Variants in MKRN1 observed in about 807,000 individuals in gnomAD.
The protein encoded by MKRN1 is E3 ubiquitin-protein ligase makorin-1.
MKRN1 carries 9 observed loss-of-function variants against 55.5 expected under a neutral mutation model. The observed-to-expected ratio is 0.16, with a 90% CI of 0.10 to 0.28. MKRN1 has a LOEUF of 0.28. Among genes scored for constraint, MKRN1 ranks in the 10% least tolerant of loss-of-function variants. The pLI, the probability that MKRN1 is intolerant of heterozygous loss-of-function variation, is 1.00. For missense variants in MKRN1, 488 were observed against 626.7 expected (o/e 0.78, Z 2.36); for synonymous variants, 253 against 235.9 (o/e 1.07, Z -0.66).
At chr7:140,461,489 C>T (rs756365193) in intron 2 of MKRN1, among the ~76,000 whole-genome samples, 9 of 152,030 alleles carry the variant, frequency 5.9e-5, no homozygotes, top group Non-Finnish European at 8.8e-5. Flanking sequence ...AAAAATTATC[C>T]GGGCATGGTG....
chr7:140,478,691 G>A (rs1185137084), intron 1 of MKRN1: 1 of 152,978 alleles, frequency 6.5e-6, no homozygotes, highest in African/African-American at 2.4e-5. Flanking sequence ...CCGGGAGCCA[G>A]GCAAGCTCGC....
At chr7:140,465,765 TAA>T (rs1387246612) in intron 2 of MKRN1, among the ~76,000 whole-genome samples, 1 of 152,058 alleles carries the variant, frequency 6.6e-6, no homozygotes, top group African/African-American at 2.4e-5. Context: ...GCAAGTTACA[TAA>T]AGAGATCCCA....
At chr7:140,472,856 A>C (rs1794974792) in intron 1 of MKRN1, among the ~76,000 whole-genome samples, 2 of 151,758 alleles carry the variant, frequency 1.3e-5, no homozygotes, top group South Asian at 4.2e-4. Flanking sequence ...GGTGGCCCAC[A>C]CCTGTAATCC....
intron 5 of MKRN1, 72 bp downstream of exon 5, chr7:140,456,580 G>C (rs1277384495): frequency 5.0e-5 from 79 of 1,572,786 alleles, no homozygotes; most frequent in Non-Finnish European, 6.7e-5. Context: ...CCATCTGGTT[G>C]AAAGTTGGCA....
At chr7:140,466,494 GTCTC>G (rs1414216350) in intron 2 of MKRN1, among the ~76,000 whole-genome samples, 1 of 152,086 alleles carries the variant, frequency 6.6e-6, no homozygotes, top group Non-Finnish European at 1.5e-5. Flanking sequence ...GGGAGACCCC[GTCTC>G]TACAAACAGA....
At chr7:140,470,547 T>C (rs1794895300) in intron 2 of MKRN1, among the ~76,000 whole-genome samples, 1 of 151,978 alleles carries the variant, frequency 6.6e-6, no homozygotes, top group Non-Finnish European at 1.5e-5. Flanking sequence ...ATTGCGCCAC[T>C]GCACTCCAGC....
chr7:140,458,181 A>AT (rs1422803825), intron 4 of MKRN1, among the ~76,000 whole-genome samples: 1 of 152,208 alleles, frequency 6.6e-6, no homozygotes, highest in Admixed American at 6.5e-5. Context: ...AACGGAAAAC[A>AT]TATCTTCACA....
chr7:140,476,702 G>A (rs1464300189), intron 1 of MKRN1, among the ~76,000 whole-genome samples: 2 of 151,164 alleles, frequency 1.3e-5, no homozygotes, highest in Non-Finnish European at 2.9e-5. Context: ...TACTGGAACT[G>A]AGGAAAGAAA....
At chr7:140,477,158 T>TA (rs1795147754) in intron 1 of MKRN1, among the ~76,000 whole-genome samples, 1 of 150,704 alleles carries the variant, frequency 6.6e-6, no homozygotes, top group African/African-American at 2.4e-5. Flanking sequence ...AAAATAGTTT[T>TA]AAGTAAGAGA....
intron 1 of MKRN1, 163 bp downstream of exon 1, chr7:140,478,997 G>T: frequency 2.3e-6 from 2 of 864,230 alleles, no homozygotes; most frequent in Non-Finnish European, 3.0e-6. Flanking sequence ...CTGGGGGAAC[G>T]CGGCGGCAGC....
intron 1 of MKRN1, chr7:140,478,044 G>T (rs1416991768): frequency 5.9e-5 from 9 of 152,156 alleles, no homozygotes; most frequent in Admixed American, 5.9e-4. Flanking sequence ...TTCGAAGGTC[G>T]CCAGGATAAA....
rs143237010 is a variant in MKRN1, at chr7:140,459,843, C to T, written c.408G>A (p.Ser136=). 213 of 1,613,800 alleles carry T rather than the reference C, an allele frequency of 1.3e-4. No individual in the cohort carries two copies. Among genetic ancestry groups the T allele is most frequent in the Non-Finnish European group, 1.6e-4 (191 of 1,179,868 alleles). The change falls in exon 3 of 8, where the codon TCG becomes TCA. Residue 136 remains serine (S), a synonymous_variant. Transcript: ENST00000255977. The part of the protein sequence containing the change: ...SSLAASSSLS[S]IVGPLVEMNT... The stretch of plus-strand genomic sequence containing the variant: ...TCATTTCAACAAGTGGTCCAACTAT[C>T]GATGAGAGACTTGAGGAAGCAGCAA...
At chr7:140,477,282 C>A (rs1042537100) in intron 1 of MKRN1, among the ~76,000 whole-genome samples, 1 of 151,864 alleles carries the variant, frequency 6.6e-6, no homozygotes, top group Non-Finnish European at 1.5e-5. Context: ...TACAAAAAAC[C>A]CCCAAAAACT....
intron 7 of MKRN1, 115 bp downstream of exon 7, chr7:140,454,980 T>C (rs940305020): frequency 1.1e-5 from 15 of 1,419,190 alleles, no homozygotes; most frequent in South Asian, 9.2e-5. Context: ...TTTAATACTC[T>C]ACACTTTCGC....
chr7:140,464,017 A>T (rs1585477150), intron 2 of MKRN1, among the ~76,000 whole-genome samples: 2 of 152,198 alleles, frequency 1.3e-5, no homozygotes, highest in East Asian at 3.9e-4. Context: ...CACCGGCTTC[A>T]AGTGATTCTC....
chr7:140,467,425 G>A (rs866021596), intron 2 of MKRN1, among the ~76,000 whole-genome samples: 2 of 151,906 alleles, frequency 1.3e-5, no homozygotes, highest in East Asian at 1.9e-4. Flanking sequence ...TTACTGACAC[G>A]TGCCACCATG....
Position 140,454,071 on chromosome 7 carries a change from A to C in MKRN1, c.*446T>G, listed in dbSNP as rs1794400988. On this transcript the variant is annotated 3_prime_UTR_variant, in exon 8 of 8. Transcript: ENST00000255977. ...TGTGCAGATTTCACCAGAAACCTCAAGGATCCACATCCCATGTCTGGGGCA... is the reference window on the plus strand; with the variant it reads ...TGTGCAGATTTCACCAGAAACCTCACGGATCCACATCCCATGTCTGGGGCA... The C allele has an allele frequency of 5.1e-6, 1 of 197,972 alleles. No homozygotes were observed. The highest frequency in any genetic ancestry group is 1.1e-5 in the Non-Finnish European group (1 of 93,838). 12.3% of individuals were successfully genotyped at this position (197,972 alleles called of 1,614,324 possible). A position where few individuals can be genotyped will look rare whatever the true frequency, so the allele number is the denominator to read the frequency against.
chr7:140,465,361 A>T (rs1794738273), intron 2 of MKRN1, among the ~76,000 whole-genome samples: 1 of 152,056 alleles, frequency 6.6e-6, no homozygotes, highest in African/African-American at 2.4e-5. Context: ...TTAGCCAGGC[A>T]TGGTGGCACA....
Position 140,456,795 on chromosome 7 carries a change from A to C in MKRN1, c.843T>G (p.Cys281Trp). 1 of 1,614,020 alleles carries C rather than the reference A, an allele frequency of 6.2e-7. No individual in the cohort carries two copies. Among genetic ancestry groups the C allele is most frequent in the Non-Finnish European group, 8.5e-7 (1 of 1,179,910 alleles). The stretch of plus-strand genomic sequence containing the variant: ...CATAGACCACCTCCATGCAGATCCC[A>C]CACACCATGTCCTTGCTGCGCTGCA... ...FAVQRSKDMVCGICMEVVYEK... is the reference protein window; with the variant it reads ...FAVQRSKDMVWGICMEVVYEK... Residue 281 changes from cysteine (C) to tryptophan (W), a missense_variant, in exon 5 of 8, where the codon TGT (cysteine) becomes TGG (tryptophan). Physicochemically the swap from Cys to Trp is radical, Grantham distance 215 (BLOSUM62 -2). Transcript: ENST00000255977.
Sources: gnomAD v4.1 joint callset for allele counts (sites outside exome capture counted in the v4.1 genomes callset) on GRCh38, gnomAD v4.1.1 for gene constraint, MANE v1.5 for transcripts, NCBI Gene and HGNC (gene_info 2026-07-23, HGNC 2026-07-21) for gene names.